NCOR2: variants seen among roughly 807,000 people sequenced by gnomAD.
NCOR2 encodes nuclear receptor corepressor 2.
A neutral mutation model predicts 262.9 loss-of-function variants in NCOR2; 81 were observed. The observed-to-expected ratio is 0.31, with a 90% CI of 0.26 to 0.37. The LOEUF is 0.37. Ranked by LOEUF, NCOR2 falls within the 10% of genes least tolerant of loss-of-function variation. The pLI, the probability that NCOR2 is intolerant of heterozygous loss-of-function variation, is 1.00. For synonymous variants in NCOR2, 1,659 were observed against 1,559.3 expected (o/e 1.06, Z -1.51); for missense variants, 3,385 against 3,621.4 (o/e 0.93, Z 1.68).
At chr12:124,550,522 G>T (rs1261165764) in intron 1 of NCOR2, among the ~76,000 whole-genome samples, 2 of 152,180 alleles carry the variant, frequency 1.3e-5, no homozygotes, top group African/African-American at 4.8e-5. Context: ...CGGGGGGGAG[G>T]ACAGCTCTGT....
intron 8 of NCOR2, among the ~76,000 whole-genome samples, chr12:124,431,360 CACAGTCACACAG>C (rs958914857): frequency 1.3e-5 from 2 of 151,300 alleles, no homozygotes; most frequent in Non-Finnish European, 2.9e-5. Flanking sequence ...ACAGTAGACA[CACAGTCACACAG>C]ACAGTCACAT....
intron 1 of NCOR2, among the ~76,000 whole-genome samples, chr12:124,519,555 G>A (rs886466234): frequency 3.9e-5 from 6 of 152,324 alleles, no homozygotes; most frequent in East Asian, 3.9e-4. Flanking sequence ...TGGCCGGGGC[G>A]CAGGGGCGAG....
At chr12:124,371,591 TG>T (rs2039522354) in intron 20 of NCOR2, among the ~76,000 whole-genome samples, 1 of 152,158 alleles carries the variant, frequency 6.6e-6, no homozygotes, top group South Asian at 2.1e-4. Context: ...GGCCAGGAGC[TG>T]GAAGAGGCGG....
At chr12:124,422,554 A>G in exon 12 of NCOR2, 2 of 1,613,856 alleles carry the variant, frequency 1.2e-6, no homozygotes, top group Non-Finnish European at 1.7e-6. Context: ...TGCTGCATGA[A>G]CCTGCGGGAC....
At position 124,340,353 on chromosome 12, in the gene NCOR2, C is replaced by T. The variant is rs775254112; in HGVS notation, c.5429G>A (p.Arg1810Gln). Reference sequence around the variant, plus strand: ...GGTGGACGTGAGGATGGACTTTTCCCGCTCCCGATCCCGGTCCCGCTCTCG... The same window carrying T: ...GGTGGACGTGAGGATGGACTTTTCCTGCTCCCGATCCCGGTCCCGCTCTCG... Residue 1810 changes from arginine (R) to glutamine (Q), a missense_variant, in exon 36 of 47, where the codon CGG becomes CAG. This residue lies in a region of NCOR2 where 1,615 missense variants were observed against 1,626.9 expected (regional missense o/e 0.99). Coordinates refer to ENST00000405201, the Ensembl canonical transcript of NCOR2. 1.2e-5 allele frequency: 20 copies of T among 1,612,978 alleles called. No individual in the cohort carries two copies. The highest frequency in any genetic ancestry group is 6.7e-5 in the Admixed American group (4 of 60,028).
chr12:124,347,452 G>C (rs1353911998), intron 30 of NCOR2: 2 of 234,282 alleles, frequency 8.5e-6, no homozygotes, highest in East Asian at 1.8e-4. Flanking sequence ...CTGTGCCATG[G>C]ACCAGCCGCG....
upstream of NCOR2, among the ~76,000 whole-genome samples, chr12:124,537,383 G>A (rs368550607): frequency 5.6e-4 from 85 of 152,318 alleles, 1 homozygote; most frequent in Middle Eastern, 0.041. Flanking sequence ...CTGAGGGATC[G>A]GGGACTGGTG....
chr12:124,342,860 T>C, intron 33 of NCOR2, 145 bp downstream of exon 35: 4 of 792,506 alleles, frequency 5.0e-6, no homozygotes, highest in East Asian at 2.7e-5. Context: ...GATTACACTG[T>C]TGGGTCTTCC....
Position 124,517,929 on chromosome 12 carries a change from G to A in NCOR2, c.-118+17636C>T, listed in dbSNP as rs752145359. Among the ~76,000 whole-genome samples, 11 of 152,044 alleles carry A rather than the reference G, an allele frequency of 7.2e-5. No individual in the cohort carries two copies. The highest frequency in any genetic ancestry group is 1.0e-4 in the Non-Finnish European group (7 of 68,014). On this transcript the variant is annotated intron_variant, in intron 1 of 46. Transcript: ENST00000404621. The surrounding 1 kb of genome is among the most constrained non-coding windows in gnomAD (Gnocchi z 7.6). ...CAGCTGCCCCCATTGGCTGACCTGCGGCCGGCCACTCAGCCCCCAGCCCTG... is the reference window on the plus strand; with the variant it reads ...CAGCTGCCCCCATTGGCTGACCTGCAGCCGGCCACTCAGCCCCCAGCCCTG...
chr12:124,357,946 C>T (rs1386878611), intron 22 of NCOR2, among the ~76,000 whole-genome samples: 4 of 133,576 alleles, frequency 3.0e-5, no homozygotes, highest in Non-Finnish European at 6.1e-5. Flanking sequence ...TGTGTGAGTG[C>T]ATGGATGTGT....
chr12:124,343,178 G>A (rs774599894), exon 33 of NCOR2: 8 of 1,609,448 alleles, frequency 5.0e-6, no homozygotes, highest in Admixed American at 3.3e-5. Context: ...CTCACGAGGC[G>A]TCGACGTCAG....
intron 1 of NCOR2, among the ~76,000 whole-genome samples, chr12:124,543,310 A>G (rs889409520): frequency 3.3e-5 from 5 of 152,238 alleles, no homozygotes; most frequent in Non-Finnish European, 5.9e-5. Context: ...GACACCGGGC[A>G]TAGCGACTGG....
At chr12:124,425,861 T>C (rs1456879461) in intron 11 of NCOR2, among the ~76,000 whole-genome samples, 1 of 152,144 alleles carries the variant, frequency 6.6e-6, no homozygotes, top group Admixed American at 6.5e-5. Flanking sequence ...AGCCTCCGTG[T>C]CATCAGCTGT....
chr12:124,557,859 G>A (rs910439784), intron 1 of NCOR2, among the ~76,000 whole-genome samples: 19 of 152,006 alleles, frequency 1.2e-4, no homozygotes, highest in Non-Finnish European at 1.8e-4. Flanking sequence ...TGACCCTGTG[G>A]ACCTGGCCAA....
At chr12:124,347,634 T>C in intron 30 of NCOR2, 191 bp downstream of exon 32, 1 of 606,682 alleles carries the variant, frequency 1.6e-6, no homozygotes. Flanking sequence ...TGCTTTTTGT[T>C]TTTGTTTTGA....
chr12:124,392,559 G>A (rs1232855435), intron 16 of NCOR2, among the ~76,000 whole-genome samples: 3 of 152,264 alleles, frequency 2.0e-5, no homozygotes, highest in East Asian at 1.9e-4. Flanking sequence ...GGAAGTAGCC[G>A]GGCAGACCCA....
chr12:124,442,420 G>T (rs1161409720), intron 7 of NCOR2, among the ~76,000 whole-genome samples: 3 of 152,230 alleles, frequency 2.0e-5, no homozygotes, highest in African/African-American at 7.2e-5. Context: ...GATGACAGGC[G>T]TGGGCCACCA....
chr12:124,334,482 G>T, exon 41 of NCOR2: 1 of 1,461,332 alleles, frequency 6.8e-7, no homozygotes, highest in Non-Finnish European at 9.0e-7. Context: ...TCCGGGGGCG[G>T]GAGGTAGAGG....
intron 15 of NCOR2, 136 bp downstream of exon 17, chr12:124,400,365 G>C: frequency 8.2e-7 from 1 of 1,218,736 alleles, no homozygotes; most frequent in Non-Finnish European, 1.2e-6. Flanking sequence ...GTAGCGCTGG[G>C]ATTTGACTCC....
Sources: gnomAD v4.1 joint callset for allele counts (sites outside exome capture counted in the v4.1 genomes callset) on GRCh38, gnomAD v4.1.1 for gene constraint, gnomAD v4.1.1 regional missense constraint, Gnocchi (gnomAD v3.1) non-coding constraint, MANE v1.5 for transcripts, NCBI Gene and HGNC (gene_info 2026-07-23, HGNC 2026-07-21) for gene names.